Variants in UBXN4 observed in about 807,000 individuals in gnomAD.
The protein encoded by UBXN4 is UBX domain protein 4, also known as UBX domain-containing protein 4.
In UBXN4, 35 loss-of-function variants were observed where a neutral mutation model predicts 66.2. The observed-to-expected ratio is 0.53, with a 90% CI of 0.40 to 0.70. The LOEUF (loss-of-function observed/expected upper bound fraction) is 0.70. Ranked by LOEUF, UBXN4 falls within the 30% of genes least tolerant of loss-of-function variation. The probability of loss-of-function intolerance (pLI) is 0.00; values close to 1 mark genes in which losing one functional copy is unlikely to be tolerated. For synonymous variants in UBXN4, 203 were observed against 204.5 expected, an observed-to-expected ratio of 0.99 and a Z score of 0.06; for missense variants, 533 against 599.8, an observed-to-expected ratio of 0.89 and a Z score of 1.16.
At chr2:135,760,679 T>C (rs186379355) in intron 5 of UBXN4, among the ~76,000 whole-genome samples, 85 of 152,326 alleles carry the variant, frequency 5.6e-4, no homozygotes, top group Admixed American at 2.8e-3. Flanking sequence ...CAGCATTTAT[T>C]TTATTTGCTA....
At chr2:135,753,669 A>G (rs970218914) in intron 3 of UBXN4, 102 bp downstream of exon 3, 10 of 1,062,656 alleles carry the variant, frequency 9.4e-6, no homozygotes, top group East Asian at 9.1e-5. Context: ...TTAGGAAATC[A>G]TACATTCTTT....
Position 135,782,893 on chromosome 2 carries a change from C to T in UBXN4, c.*6C>T, listed in dbSNP as rs2077458407. The T allele has an allele frequency of 1.2e-6, 2 of 1,610,322 alleles. No individual in the cohort carries two copies. Among genetic ancestry groups the T allele is most frequent in the African/African-American group, 1.3e-5 (1 of 74,650 alleles). ...ATTCCACTCAACAGATGTAGTGTGA[C>T]AAGTATAATATGTGCAATAATCATT... On this transcript the variant is annotated 3_prime_UTR_variant, in exon 13 of 13. Transcript: ENST00000272638.
chr2:135,782,237 T>A (rs1559545151), intron 12 of UBXN4, among the ~76,000 whole-genome samples: 1 of 152,342 alleles, frequency 6.6e-6, no homozygotes, highest in East Asian at 1.9e-4. Flanking sequence ...TCTGTTGGCT[T>A]AAATTTTATC....
At chr2:135,746,572 T>G (rs889362294) in intron 1 of UBXN4, among the ~76,000 whole-genome samples, 2 of 152,192 alleles carry the variant, frequency 1.3e-5, no homozygotes, top group Admixed American at 6.5e-5. Flanking sequence ...AGTGGGTGAT[T>G]AAGTATCAGC....
chr2:135,764,494 A>T (rs370998084), intron 6 of UBXN4, among the ~76,000 whole-genome samples: 2 of 151,976 alleles, frequency 1.3e-5, no homozygotes, highest in Non-Finnish European at 2.9e-5. Context: ...ATATTAATGG[A>T]TATACAATGG....
chr2:135,743,231 G>A (rs990020573), intron 1 of UBXN4, among the ~76,000 whole-genome samples: 18 of 152,080 alleles, frequency 1.2e-4, no homozygotes, highest in African/African-American at 4.3e-4. Context: ...GTTTTGTTAC[G>A]CCAAGTTTTT....
At chr2:135,774,950 A>T (rs1199364136) in intron 9 of UBXN4, among the ~76,000 whole-genome samples, 2 of 152,106 alleles carry the variant, frequency 1.3e-5, no homozygotes, top group Admixed American at 1.3e-4. Context: ...AGAACCTGTG[A>T]CTCAATTATA....
At chr2:135,775,474 T>G (rs2077409005) in intron 9 of UBXN4, among the ~76,000 whole-genome samples, 1 of 152,220 alleles carries the variant, frequency 6.6e-6, no homozygotes, top group Non-Finnish European at 1.5e-5. Flanking sequence ...GAATAAGAAC[T>G]GATACCTGCA....
intron 6 of UBXN4, among the ~76,000 whole-genome samples, chr2:135,768,941 A>G (rs1172867813): frequency 1.3e-5 from 2 of 151,956 alleles, no homozygotes; most frequent in African/African-American, 2.4e-5. Context: ...GGCTTAGGCT[A>G]TCCTCCTGCC....
At chr2:135,752,423 C>T (rs1425365099) in intron 2 of UBXN4, among the ~76,000 whole-genome samples, 1 of 152,188 alleles carries the variant, frequency 6.6e-6, no homozygotes, top group Non-Finnish European at 1.5e-5. Flanking sequence ...CTCGTGTCCA[C>T]CTGCCTTGAC....
chr2:135,775,244 G>A (rs983374107), intron 9 of UBXN4, among the ~76,000 whole-genome samples: 6 of 152,208 alleles, frequency 3.9e-5, no homozygotes, highest in Middle Eastern at 3.2e-3. Flanking sequence ...TGCCAGTAAC[G>A]CAAAATGTTA....
intron 4 of UBXN4, among the ~76,000 whole-genome samples, chr2:135,755,140 A>T (rs2077271907): frequency 2.0e-5 from 3 of 152,208 alleles, no homozygotes; most frequent in Admixed American, 2.0e-4. Context: ...GTTGAAAGAG[A>T]AAGTTGCTGT....
intron 3 of UBXN4, chr2:135,753,837 A>G: frequency 2.3e-6 from 1 of 440,608 alleles, no homozygotes. Flanking sequence ...TAAAATGTGA[A>G]TATCTGAAAA....
At chr2:135,776,195 T>C in intron 9 of UBXN4, 54 bp from the exon 10 acceptor site, 1 of 1,393,462 alleles carries the variant, frequency 7.2e-7, no homozygotes, top group Non-Finnish European at 1.0e-6. Flanking sequence ...TTAATGATAT[T>C]GTTAGAGAAT....
At chr2:135,767,458 C>A (rs145941207) in intron 6 of UBXN4, among the ~76,000 whole-genome samples, 40 of 152,312 alleles carry the variant, frequency 2.6e-4, no homozygotes, top group African/African-American at 8.9e-4. Context: ...TGATCACTAT[C>A]CTGAATCGAA....
intron 8 of UBXN4, 91 bp from the exon 9 acceptor site, chr2:135,772,329 A>AT (rs1441713088): frequency 6.9e-7 from 1 of 1,457,410 alleles, no homozygotes; most frequent in East Asian, 2.5e-5. Context: ...TCTCTTAATA[A>AT]AAAAAAAAAA....
intron 1 of UBXN4, 35 bp from the exon 2 acceptor site, chr2:135,748,232 C>A (rs2077221173): frequency 1.3e-6 from 2 of 1,492,766 alleles, no homozygotes; most frequent in South Asian, 2.7e-5. Flanking sequence ...CAGCAGATCC[C>A]AGCCTGGTAT....
chr2:135,755,793 C>G (rs2077276160), intron 5 of UBXN4, 102 bp downstream of exon 5: 1 of 769,682 alleles, frequency 1.3e-6, no homozygotes, highest in Non-Finnish European at 1.7e-6. Context: ...TATTTTTCTT[C>G]ACATTTATTT....
chr2:135,757,785 A>ATT (rs112696573), intron 5 of UBXN4, among the ~76,000 whole-genome samples: 5 of 143,736 alleles, frequency 3.5e-5, no homozygotes, highest in Non-Finnish European at 4.6e-5. Flanking sequence ...CTTAAAAAAA[A>ATT]TTTTTTTTTT....
Sources: gnomAD v4.1 joint callset for allele counts (sites outside exome capture counted in the v4.1 genomes callset) on GRCh38, gnomAD v4.1.1 for gene constraint, MANE v1.5 for transcripts, NCBI Gene and HGNC (gene_info 2026-07-23, HGNC 2026-07-21) for gene names.